KPNA1: variants seen among roughly 807,000 people sequenced by gnomAD.
KPNA1 encodes the protein importin subunit alpha-5.
In KPNA1, 10 loss-of-function variants were observed where a neutral mutation model predicts 70.5. The observed-to-expected ratio is 0.14, with a 90% confidence interval of 0.09 to 0.24. The LOEUF (loss-of-function observed/expected upper bound fraction) is 0.24. Among genes scored for constraint, KPNA1 ranks in the 10% least tolerant of loss-of-function variants. KPNA1 has a pLI of 1.00. For synonymous variants in KPNA1, 192 were observed against 221.9 expected (o/e 0.87, Z 1.20); for missense variants, 397 against 637.9 (o/e 0.62, Z 4.07).
intron 2 of KPNA1, among the ~76,000 whole-genome samples, chr3:122,490,122 A>G (rs2076680673): frequency 2.0e-5 from 3 of 152,254 alleles, no homozygotes; most frequent in African/African-American, 7.2e-5. Context: ...TGTGCTAATC[A>G]GCATTCTGCT....
chr3:122,481,745 T>C (rs562750245), intron 2 of KPNA1, among the ~76,000 whole-genome samples: 12 of 150,318 alleles, frequency 8.0e-5, no homozygotes, highest in Admixed American at 7.2e-4. Context: ...AGTGACTGTA[T>C]TGTAATGTCA....
At chr3:122,497,441 T>C (rs1039226298) in intron 1 of KPNA1, among the ~76,000 whole-genome samples, 1 of 152,264 alleles carries the variant, frequency 6.6e-6, no homozygotes, top group Non-Finnish European at 1.5e-5. Context: ...CTGGGTTATA[T>C]ATCTAAAATT....
rs926394854 is a variant in KPNA1, at chr3:122,426,937, G to T, written c.*48C>A. 2 of 1,506,572 alleles carry T rather than the reference G, an allele frequency of 1.3e-6. No homozygotes were observed. The highest frequency in any genetic ancestry group is 1.8e-6 in the Non-Finnish European group (2 of 1,088,554). The allele number at this position is 1,506,572 out of a possible 1,614,324, so 93.3% of individuals were successfully genotyped here. On this transcript the variant is annotated 3_prime_UTR_variant, in exon 14 of 14. Transcript: ENST00000344337. ...GACTGTGGGCTCCACAAGAGGACTC[G>T]ACTGGGTAGCCTGGTCTGACACAGG... is the stretch of plus-strand genomic sequence containing the variant.
At chr3:122,438,390 G>GTTTT (rs762256049) in intron 10 of KPNA1, among the ~76,000 whole-genome samples, 1 of 138,772 alleles carries the variant, frequency 7.2e-6, no homozygotes, top group African/African-American at 2.6e-5. Context: ...TTTCTTTTTT[G>GTTTT]TTTTTTTTTT....
chr3:122,442,433 T>G (rs1451673370), intron 9 of KPNA1, among the ~76,000 whole-genome samples: 1 of 152,212 alleles, frequency 6.6e-6, no homozygotes, highest in East Asian at 1.9e-4. Context: ...TACTGGCTTT[T>G]GTATGGTTGC....
intron 1 of KPNA1, among the ~76,000 whole-genome samples, chr3:122,512,210 A>T (rs2076962287): frequency 6.7e-6 from 1 of 148,508 alleles, no homozygotes; most frequent in Non-Finnish European, 1.5e-5. Flanking sequence ...ACCAATCATT[A>T]GTTTAAAAAA....
chr3:122,506,632 G>C (rs534317963), intron 1 of KPNA1, among the ~76,000 whole-genome samples: 471 of 152,290 alleles, frequency 3.1e-3, no homozygotes, highest in Middle Eastern at 0.027. Flanking sequence ...CAATGTGGCA[G>C]ACATATGATT....
intron 2 of KPNA1, among the ~76,000 whole-genome samples, chr3:122,486,223 A>C (rs1194502315): frequency 6.6e-6 from 1 of 152,230 alleles, no homozygotes; most frequent in African/African-American, 2.4e-5. Context: ...AAATAATCCA[A>C]ATTTCCATCA....
intron 1 of KPNA1, among the ~76,000 whole-genome samples, chr3:122,505,077 G>A (rs1052610544): frequency 6.6e-6 from 1 of 151,974 alleles, no homozygotes; most frequent in Non-Finnish European, 1.5e-5. Flanking sequence ...CAAGGGGCGG[G>A]CAGATCACTT....
intron 1 of KPNA1, 117 bp downstream of exon 1, chr3:122,514,640 C>T (rs1428939178): frequency 6.6e-6 from 1 of 152,176 alleles, no homozygotes; most frequent in African/African-American, 2.4e-5. Flanking sequence ...GGAACCCCGG[C>T]TCTAGGCCCT....
intron 2 of KPNA1, among the ~76,000 whole-genome samples, chr3:122,495,681 T>C (rs2076751074): frequency 7.6e-6 from 1 of 132,240 alleles, no homozygotes; most frequent in African/African-American, 2.9e-5. Context: ...GGAATTTCTA[T>C]AGTGAGGGTC....
At chr3:122,481,374 G>A (rs1357376245) in intron 2 of KPNA1, among the ~76,000 whole-genome samples, 4 of 152,166 alleles carry the variant, frequency 2.6e-5, no homozygotes, top group Admixed American at 6.5e-5. Context: ...GTTACAACAT[G>A]GATCAATCTT....
intron 5 of KPNA1, among the ~76,000 whole-genome samples, chr3:122,456,481 A>G (rs2076266372): frequency 6.6e-6 from 1 of 152,242 alleles, no homozygotes; most frequent in African/African-American, 2.4e-5. Flanking sequence ...GATATAGTAC[A>G]GAGTTATTGG....
At chr3:122,442,674 T>TC (rs1410723831) in intron 9 of KPNA1, 1 of 152,238 alleles carries the variant, frequency 6.6e-6, no homozygotes, top group Non-Finnish European at 1.5e-5. Flanking sequence ...AAGACAGATA[T>TC]TAAGTCCTTA....
chr3:122,488,124 G>GT (rs1391250381), intron 2 of KPNA1, among the ~76,000 whole-genome samples: 9 of 152,114 alleles, frequency 5.9e-5, no homozygotes, highest in Non-Finnish European at 8.8e-5. Flanking sequence ...AATGATCCCC[G>GT]TAACTCCTAT....
rs1014816907 is a variant in KPNA1, at chr3:122,433,808, T to C, written c.1123-20A>G. On this transcript the variant is annotated intron_variant, in intron 11 of 13. Transcript: ENST00000344337. ...CACAGTCTAAAATTAAAGAAAAACTTAAATGGAAAAAACTGTGAGATTTAT... is the reference window on the plus strand; with the variant it reads ...CACAGTCTAAAATTAAAGAAAAACTCAAATGGAAAAAACTGTGAGATTTAT... The C allele has an allele frequency of 1.1e-5, 17 of 1,556,206 alleles. No homozygotes were observed. The highest frequency in any genetic ancestry group is 1.5e-5 in the Non-Finnish European group (17 of 1,151,972).
Position 122,425,609 on chromosome 3 carries a change from C to A in KPNA1, c.*1376G>T, listed in dbSNP as rs1356281894. ...TTAAGCGTATTTTTTCATTCCAGTCCAAGCACAAATGTGGATCACTGAACA... is the reference window on the plus strand; with the variant it reads ...TTAAGCGTATTTTTTCATTCCAGTCAAAGCACAAATGTGGATCACTGAACA... On this transcript the variant is annotated 3_prime_UTR_variant, in exon 14 of 14. Coordinates refer to ENST00000344337, the MANE Select transcript of KPNA1 (RefSeq NM_002264.4). The A allele has an allele frequency of 6.6e-6, 1 of 152,298 alleles. No individual in the cohort carries two copies. Among genetic ancestry groups the A allele is most frequent in the East Asian group, 1.9e-4 (1 of 5,172 alleles). 9.4% of individuals were successfully genotyped at this position (152,298 alleles called of 1,614,324 possible).
chr3:122,462,309 A>G (rs1048190998), intron 4 of KPNA1, among the ~76,000 whole-genome samples: 1 of 152,228 alleles, frequency 6.6e-6, no homozygotes, highest in African/African-American at 2.4e-5. Context: ...CTTCACAAAC[A>G]AAACCTAACA....
chr3:122,461,786 A>C (rs1386345913), intron 4 of KPNA1, among the ~76,000 whole-genome samples: 1 of 152,222 alleles, frequency 6.6e-6, no homozygotes, highest in African/African-American at 2.4e-5. Context: ...GCAAGAATTC[A>C]CGAAGATTGA....
Sources: allele counts gnomAD v4.1 joint callset (sites outside exome capture counted in the v4.1 genomes callset), GRCh38; gene constraint gnomAD v4.1.1; transcripts MANE v1.5; gene names NCBI Gene and HGNC (gene_info 2026-07-23, HGNC 2026-07-21).